TMEM260: variants seen among roughly 807,000 people sequenced by gnomAD.
TMEM260 encodes transmembrane protein 260, also known as protein O-mannosyl-transferase TMEM260.
Under a neutral mutation model 88.9 loss-of-function variants are expected in TMEM260, and 82 were observed. The observed-to-expected ratio is 0.92, with a 90% confidence interval of 0.77 to 1.11. The LOEUF is 1.11. Among genes scored for constraint, TMEM260 ranks in the 50% least tolerant of loss-of-function variants. The pLI is 0.00. For missense variants in TMEM260, 902 were observed against 853.4 expected (o/e 1.06, Z -0.71); for synonymous variants, 314 against 309.3 (o/e 1.02, Z -0.16).
In TMEM260 at chr14:56,648,649, C is replaced by T. The variant is rs187211400; in HGVS notation, c.*1152C>T. The T allele has an allele frequency of 6.5e-6, 1 of 152,806 alleles. No individual in the cohort carries two copies. Among genetic ancestry groups the T allele is most frequent in the African/African-American group, 2.4e-5 (1 of 41,580 alleles). The allele number at this position is 152,806 out of a possible 1,614,324, so 9.5% of individuals were successfully genotyped here. A position where few individuals can be genotyped will look rare whatever the true frequency, so the allele number is the denominator to read the frequency against. On this transcript the variant is annotated 3_prime_UTR_variant, in exon 16 of 16. Transcript: ENST00000261556. ...ATAGTCACAGTTCCGTGGCATTGTA[C>T]TAGCAAAAGGGTCTGATCAAAGGTC... is the stretch of plus-strand genomic sequence containing the variant.
chr14:56,638,175 C>A (rs1446780481), intron 15 of TMEM260: 6 of 151,270 alleles, frequency 4.0e-5, no homozygotes, highest in Admixed American at 1.3e-4. Flanking sequence ...CGAGACACCC[C>A]ACTTGAGGAT....
chr14:56,647,172 GTTT>G (rs761941988), intron 15 of TMEM260, 68 bp from the exon 16 acceptor site: 1 of 1,492,834 alleles, frequency 6.7e-7, no homozygotes, highest in Admixed American at 2.4e-5. Context: ...ATTCCTCTGT[GTTT>G]TTTTGTTTTT....
chr14:56,650,242 T>G (rs1890178418), downstream of TMEM260: 1 of 346,216 alleles, frequency 2.9e-6, no homozygotes, highest in Admixed American at 3.9e-5. Flanking sequence ...GGCCAACTTC[T>G]GCCTGGACTT....
At position 56,634,950 on chromosome 14, in the gene TMEM260, G is replaced by C. The variant is rs139347617; in HGVS notation, c.1776G>C (p.Ala592=). The C allele has an allele frequency of 2.5e-6, 4 of 1,613,866 alleles. No homozygotes were observed. In the Admixed American group the frequency reaches 6.7e-5, roughly 27 times the overall value. ...TGGCCAATGAAGAAATGTGGCAAGC[G>C]AGGTGACTATTCTACATTTTTGTGT... is the stretch of plus-strand genomic sequence containing the variant. ...ESVANEEMWQ[A]RMKTPFFIFN... Residue 592 remains alanine, a splice_region_variant and synonymous_variant, in exon 14 of 16, where the codon GCG becomes GCC. Transcript: ENST00000261556.
In TMEM260 at chr14:56,647,459, A is replaced by G. The variant is rs759052731; in HGVS notation, c.2086A>G (p.Lys696Glu). Residue 696 changes from lysine (K) to glutamate (E), a missense_variant, in exon 16 of 16, where the codon AAA becomes GAA. Physicochemically the swap from Lys to Glu is moderately conservative, Grantham distance 56. Coordinates refer to ENST00000261556, the MANE Select transcript of TMEM260 (RefSeq NM_017799.4). ...DILGALKHLRKELQSLRNRKN... is the reference protein window; with the variant it reads ...DILGALKHLREELQSLRNRKN... The stretch of plus-strand genomic sequence containing the variant: ...TTTAGGTGCTCTAAAGCACCTAAGA[A>G]AAGAACTGCAAAGTCTGAGAAATAG... The G allele has an allele frequency of 1.2e-6, 2 of 1,609,676 alleles. No individual in the cohort carries two copies.
At chr14:56,628,896 C>CT (rs34838221) in intron 12 of TMEM260, among the ~76,000 whole-genome samples, 56 of 145,258 alleles carry the variant, frequency 3.9e-4, no homozygotes, top group East Asian at 2.8e-3. Flanking sequence ...TTTTGTATTT[C>CT]TTTTTTTTTT....
chr14:56,650,070 A>G (rs1466523808), downstream of TMEM260: 2 of 454,950 alleles, frequency 4.4e-6, no homozygotes, highest in Middle Eastern at 3.3e-4. Flanking sequence ...TTCCTTGGCT[A>G]GTGTACAGAC....
chr14:56,587,916 G>A (rs1352451735), intron 3 of TMEM260, among the ~76,000 whole-genome samples: 1 of 151,966 alleles, frequency 6.6e-6, no homozygotes, highest in East Asian at 1.9e-4. Flanking sequence ...ATGTCAGCTG[G>A]CTTGTTACAA....
At chr14:56,632,898 G>T in intron 12 of TMEM260, 97 bp from the exon 13 acceptor site, 1 of 1,190,442 alleles carries the variant, frequency 8.4e-7, no homozygotes, top group South Asian at 1.5e-5. Context: ...AATAACTGTT[G>T]GGAAAAAATC....
At chr14:56,650,123 C>T (rs10136996), downstream of TMEM260, 13,943 of 454,526 alleles carry the variant, frequency 0.031, 350 homozygotes, top group Middle Eastern at 0.094. Context: ...GTCTGACCCC[C>T]GACATTGAGG....
intron 3 of TMEM260, among the ~76,000 whole-genome samples, chr14:56,596,987 A>G (rs1461595934): frequency 4.6e-5 from 7 of 151,906 alleles, no homozygotes; most frequent in African/African-American, 1.5e-4. Flanking sequence ...TTTAATAAAT[A>G]TAGAAAGATC....
chr14:56,598,844 A>G (rs916904440), intron 3 of TMEM260, among the ~76,000 whole-genome samples: 1 of 152,190 alleles, frequency 6.6e-6, no homozygotes, highest in African/African-American at 2.4e-5. Flanking sequence ...CTGCAGACTT[A>G]CTAGTGCACA....
intron 3 of TMEM260, among the ~76,000 whole-genome samples, chr14:56,599,945 A>T (rs1004501674): frequency 5.9e-5 from 9 of 152,206 alleles, no homozygotes; most frequent in African/African-American, 7.2e-5. Context: ...AATTATTTGA[A>T]TAATTTTTCT....
At chr14:56,637,417 C>T (rs551618375) in intron 15 of TMEM260, among the ~76,000 whole-genome samples, 2 of 152,298 alleles carry the variant, frequency 1.3e-5, no homozygotes, top group East Asian at 1.9e-4. Flanking sequence ...TCGGAAGACA[C>T]AGCCACGCTG....
rs778892373 is a variant in TMEM260, at chr14:56,634,962, C to G, written c.1778+10C>G. 2 of 1,613,334 alleles carry G rather than the reference C, an allele frequency of 1.2e-6. No individual in the cohort carries two copies. The highest frequency in any genetic ancestry group is 3.3e-4 in the Middle Eastern group (2 of 6,060). Reference sequence around the variant, plus strand: ...AAATGTGGCAAGCGAGGTGACTATTCTACATTTTTGTGTGTGCAGTCTATT... The same window carrying G: ...AAATGTGGCAAGCGAGGTGACTATTGTACATTTTTGTGTGTGCAGTCTATT... On this transcript the variant is annotated intron_variant, in intron 14 of 15. Transcript: ENST00000261556.
chr14:56,653,736 C>CAAAAAAAAAAAAAAAAAAAAAAAAAAAAA (rs10522889), downstream of TMEM260, among the ~76,000 whole-genome samples: 1 of 66,594 alleles, frequency 1.5e-5, no homozygotes, highest in Non-Finnish European at 2.7e-5. Context: ...CTCTTGTCTC[C>CAAAAAAAAAAAAAAAAAAAAAAAAAAAAA]AAAACAAAAA....
downstream of TMEM260, among the ~76,000 whole-genome samples, chr14:56,649,758 T>TA: frequency 2.0e-5 from 3 of 152,352 alleles, no homozygotes. Flanking sequence ...ACTATAGAGA[T>TA]ATGTGTATGG....
intron 2 of TMEM260, 80 bp from the exon 3 acceptor site, chr14:56,585,681 G>A (rs1446349786): frequency 7.3e-7 from 1 of 1,373,690 alleles, no homozygotes; most frequent in Non-Finnish European, 1.0e-6. Flanking sequence ...CTTGAGAAAA[G>A]GGCTACTTTT....
intron 15 of TMEM260, among the ~76,000 whole-genome samples, chr14:56,642,123 T>A (rs558073849): frequency 3.3e-5 from 5 of 152,172 alleles, no homozygotes; most frequent in Non-Finnish European, 5.9e-5. Flanking sequence ...AACAAAGATA[T>A]CCAGGAATTG....
Sources: gnomAD v4.1 joint callset for allele counts (sites outside exome capture counted in the v4.1 genomes callset) on GRCh38, gnomAD v4.1.1 for gene constraint, MANE v1.5 for transcripts, NCBI Gene and HGNC (gene_info 2026-07-23, HGNC 2026-07-21) for gene names.